PCDHA11: variants seen among roughly 807,000 people sequenced by gnomAD.
PCDHA11 encodes the protein protocadherin alpha 11.
PCDHA11 carries 61 observed loss-of-function variants against 70.3 expected under a neutral mutation model. The observed-to-expected ratio is 0.87, with a 90% CI of 0.71 to 1.07. The LOEUF (loss-of-function observed/expected upper bound fraction) is 1.07. PCDHA11 is among the 50% of genes least tolerant of loss of function. The probability of loss-of-function intolerance (pLI) is 0.00; values close to 1 mark genes in which losing one functional copy is unlikely to be tolerated. For synonymous variants in PCDHA11, 633 were observed against 555.1 expected (o/e 1.14, Z -1.97); for missense variants, 1,324 against 1,237.5 (o/e 1.07, Z -1.05).
intron 1 of PCDHA11, among the ~76,000 whole-genome samples, chr5:140,973,323 A>G (rs1331752602): frequency 1.3e-5 from 2 of 152,160 alleles, no homozygotes; most frequent in African/African-American, 4.8e-5. Flanking sequence ...AACAGAGTTT[A>G]CACTCGTTGT....
chr5:140,996,691 C>A (rs150925396), intron 3 of PCDHA11, among the ~76,000 whole-genome samples: 217 of 152,274 alleles, frequency 1.4e-3, no homozygotes, highest in African/African-American at 5.0e-3. Context: ...TAGTATTCTT[C>A]TGAACCTCTA....
rs782334415 is a variant in PCDHA11 at position 141,009,744 on chromosome 5, A to T, written c.2657A>T (p.Lys886Ile). 8.1e-6 allele frequency: 13 copies of T among 1,614,028 alleles called. No homozygotes were observed. Among genetic ancestry groups the T allele is most frequent in the Non-Finnish European group, 1.1e-5 (13 of 1,180,034 alleles). The change falls in exon 4 of 4, where the codon AAA becomes ATA. Residue 886 changes from lysine (K) to isoleucine (I), a missense_variant. Transcript: ENST00000398640. Reference protein sequence around the residue: ...KQSGPGELPDKFIIPGSPAII... With the variant: ...KQSGPGELPDIFIIPGSPAII... ...TCCGGTCCCGGTGAGTTGCCCGACA[A>T]ATTCATTATCCCAGGATCTCCTGCA...
rs70988781 is a variant in PCDHA11 at position 140,941,319 on chromosome 5, CTT to C, written c.2392-37616_2392-37615del. Among the ~76,000 whole-genome samples, 109 of 104,374 alleles carry C rather than the reference CTT, an allele frequency of 1.0e-3. 2 individuals are homozygous for C. Among genetic ancestry groups the C allele is most frequent in the East Asian group, 2.8e-3 (11 of 3,932 alleles). The allele number at this position is 104,374 out of a possible 152,430, so 68.5% of individuals were successfully genotyped here. A position where few individuals can be genotyped will look rare whatever the true frequency, so the allele number is the denominator to read the frequency against. ...TTCTTTCTTTCTTTTTCTTCTTTCT[CTT>C]TTTTTTTTTTTTTCAGATGGAGTCT... On this transcript the variant is annotated intron_variant, in intron 1 of 3. Coordinates refer to ENST00000398640, the MANE Select transcript of PCDHA11 (RefSeq NM_018902.5).
chr5:140,924,052 A>G (rs948483906), intron 1 of PCDHA11, among the ~76,000 whole-genome samples: 1 of 152,244 alleles, frequency 6.6e-6, no homozygotes, highest in Non-Finnish European at 1.5e-5. Context: ...AGTTCGGTAC[A>G]TCTTTACAGT....
chr5:140,964,969 G>T (rs2095866914), intron 1 of PCDHA11, among the ~76,000 whole-genome samples: 1 of 152,190 alleles, frequency 6.6e-6, no homozygotes, highest in South Asian at 2.1e-4. Flanking sequence ...TGGAACGAAG[G>T]GATGTGCTAG....
intron 1 of PCDHA11, among the ~76,000 whole-genome samples, chr5:140,908,488 A>G (rs2073999089): frequency 6.6e-6 from 1 of 152,206 alleles, no homozygotes; most frequent in Non-Finnish European, 1.5e-5. Flanking sequence ...TAGGCAGTTC[A>G]GGTTGCTTGG....
rs185275722 is a variant in PCDHA11 at position 140,880,200 on chromosome 5, G to A, written c.2391+8706G>A. Among the ~76,000 whole-genome samples the A allele has an allele frequency of 2.9e-3, 441 of 152,242 alleles. 2 individuals are homozygous for A. The highest frequency in any genetic ancestry group is 9.7e-3 in the African/African-American group (402 of 41,548). ...TGAAGGGAAAAAGATAAACAGAAGA[G>A]GTTTTCCACCAGAAGTAGAACATTT... is the stretch of plus-strand genomic sequence containing the variant. On this transcript the variant is annotated intron_variant, in intron 1 of 3. Coordinates refer to ENST00000398640, the MANE Select transcript of PCDHA11 (RefSeq NM_018902.5).
chr5:140,923,247 T>G (rs1230824523), intron 1 of PCDHA11, among the ~76,000 whole-genome samples: 6 of 152,252 alleles, frequency 3.9e-5, no homozygotes, highest in African/African-American at 1.4e-4. Flanking sequence ...TGAGACCAGC[T>G]GGGCAACATA....
At chr5:140,962,280 A>C (rs1244354033) in intron 1 of PCDHA11, among the ~76,000 whole-genome samples, 1 of 152,224 alleles carries the variant, frequency 6.6e-6, no homozygotes, top group Non-Finnish European at 1.5e-5. Flanking sequence ...AAAAAACCTC[A>C]ACCTTTAATA....
Position 140,883,556 on chromosome 5 carries a change from G to C in PCDHA11, c.2391+12062G>C, listed in dbSNP as rs144498761. ...TGAACTGGTGGTGACCGCGCGGGAC[G>C]GGGGCTCGCCTTCGCTGTGGGCCAC... On this transcript the variant is annotated intron_variant, in intron 1 of 3. Transcript: ENST00000398640. The C allele has an allele frequency of 2.1e-4, 339 of 1,614,184 alleles. 1 individual carries two copies. In the Middle Eastern group the frequency reaches 8.9e-3, roughly 42 times the overall value.
chr5:140,969,704 T>G (rs1317094729), intron 1 of PCDHA11, among the ~76,000 whole-genome samples: 10 of 152,172 alleles, frequency 6.6e-5, no homozygotes, highest in African/African-American at 2.4e-4. Flanking sequence ...TGCTGTATCA[T>G]CTACAGGGAA....
At chr5:140,968,152 C>A (rs782362724) in intron 1 of PCDHA11, 6 of 1,614,054 alleles carry the variant, frequency 3.7e-6, no homozygotes, top group Non-Finnish European at 1.7e-6. Flanking sequence ...TCTCTGACAT[C>A]AATGACAATC....
chr5:141,007,844 C>T (rs782712601), intron 3 of PCDHA11, among the ~76,000 whole-genome samples: 3 of 152,176 alleles, frequency 2.0e-5, no homozygotes, highest in Non-Finnish European at 4.4e-5. Context: ...ATTAGAGACT[C>T]AAAGTCCTTA....
At chr5:140,959,871 T>C (rs572861997) in intron 1 of PCDHA11, among the ~76,000 whole-genome samples, 1 of 152,322 alleles carries the variant, frequency 6.6e-6, no homozygotes, top group Admixed American at 6.5e-5. Flanking sequence ...GCAAAATCTG[T>C]CAAGGAATAC....
chr5:140,877,015 G>T lies in PCDHA11; in HGVS notation c.2391+5521G>T, dbSNP rs371309003. The T allele has an allele frequency of 1.6e-5, 26 of 1,612,358 alleles. No individual in the cohort carries two copies. Among genetic ancestry groups the T allele is most frequent in the African/African-American group, 4.0e-5 (3 of 74,900 alleles). On this transcript the variant is annotated intron_variant, in intron 1 of 3. Transcript: ENST00000398640. The stretch of plus-strand genomic sequence containing the variant: ...CTACGTGTCGGTGCACGCGGAGAGC[G>T]GCAAGGTGTACGCGCTGCAGCCGCT...
chr5:140,957,021 T>C (rs1431974405), intron 1 of PCDHA11, among the ~76,000 whole-genome samples: 3 of 152,182 alleles, frequency 2.0e-5, no homozygotes, highest in Non-Finnish European at 2.9e-5. Context: ...AGTGAGCATT[T>C]AGATATTTAT....
intron 2 of PCDHA11, 179 bp from the exon 3 acceptor site, chr5:140,982,296 C>G (rs886254601): frequency 8.6e-7 from 1 of 1,167,014 alleles, no homozygotes; most frequent in African/African-American, 1.5e-5. Context: ...AGTAAGTCAG[C>G]AATGCTTCTG....
intron 1 of PCDHA11, chr5:140,969,308 A>G (rs782412499): frequency 1.9e-6 from 3 of 1,614,196 alleles, no homozygotes; most frequent in Middle Eastern, 3.3e-4. Context: ...TATTCTCAAA[A>G]ATGAGGCTGT....
intron 1 of PCDHA11, chr5:140,967,093 G>T: frequency 6.2e-7 from 1 of 1,613,122 alleles, no homozygotes; most frequent in Non-Finnish European, 8.5e-7. Flanking sequence ...ATCGGGAGGC[G>T]CTGTGTGAGC....
Sources: allele counts gnomAD v4.1 joint callset (sites outside exome capture counted in the v4.1 genomes callset), GRCh38; gene constraint gnomAD v4.1.1; transcripts MANE v1.5; gene names NCBI Gene and HGNC (gene_info 2026-07-23, HGNC 2026-07-21).